Variants in ALS2 observed in about 807,000 individuals in gnomAD.
The protein encoded by ALS2 is alsin Rho guanine nucleotide exchange factor ALS2.
ALS2 carries 117 observed loss-of-function variants against 203.4 expected under a neutral mutation model. The observed-to-expected ratio is 0.58, with a 90% CI of 0.50 to 0.67. The LOEUF (loss-of-function observed/expected upper bound fraction) is 0.67, where lower values mean the gene tolerates loss of function less well. ALS2 is among the 30% of genes least tolerant of loss of function. ALS2 has a pLI of 0.00. For synonymous variants in ALS2, 718 were observed against 725.9 expected (o/e 0.99, Z 0.17); for missense variants, 1,715 against 1,989.4 (o/e 0.86, Z 2.62).
intron 5 of ALS2, among the ~76,000 whole-genome samples, chr2:201,755,331 C>T (rs746634239): frequency 5.3e-5 from 8 of 152,040 alleles, no homozygotes; most frequent in Non-Finnish European, 8.8e-5. Context: ...GGCATGATCT[C>T]GGCTCGCAGG....
At chr2:201,714,653 G>A (rs1036216513) in intron 25 of ALS2, among the ~76,000 whole-genome samples, 5 of 152,136 alleles carry the variant, frequency 3.3e-5, no homozygotes, top group South Asian at 4.1e-4. Flanking sequence ...AGATATTTTT[G>A]CTTTAGTCTC....
At position 201,754,680 on chromosome 2, in the gene ALS2, CAA is replaced by C; in HGVS notation, c.1472-11_1472-10del. ...TAAGAGCCTGGGGGAAACTGAAAAC[CAA>C]CCAGACGTGGGGTGAAGGAGTGGGA... On this transcript the variant is annotated splice_polypyrimidine_tract_variant and intron_variant, in intron 5 of 33. Transcript: ENST00000264276. 3 of 1,614,056 alleles carry C rather than the reference CAA, an allele frequency of 1.9e-6. No individual in the cohort carries two copies. Among genetic ancestry groups the C allele is most frequent in the Non-Finnish European group, 2.5e-6 (3 of 1,179,978 alleles).
chr2:201,704,181 C>A lies in ALS2; in HGVS notation c.4876G>T (p.Asp1626Tyr). 1 of 1,614,064 alleles carries A rather than the reference C, an allele frequency of 6.2e-7. No individual in the cohort carries two copies. ...TGCTGAAGATAGGGGTCCATTAGAT[C>A]CTCAATGAGGTGTACCTCAGAGCCT... The part of the protein sequence containing the change: ...NLGSEVHLIE[D>Y]LMDPYLQHGE... Residue 1626 changes from aspartate (D) to tyrosine (Y), a missense_variant, in exon 33 of 34, where the codon GAT becomes TAT. Asp to Tyr is a radical substitution (Grantham distance 160, BLOSUM62 -3). Coordinates refer to ENST00000264276, the MANE Select transcript of ALS2 (RefSeq NM_020919.4).
At chr2:201,752,058 T>G (rs1693098363) in intron 7 of ALS2, among the ~76,000 whole-genome samples, 1 of 152,330 alleles carries the variant, frequency 6.6e-6, no homozygotes, top group East Asian at 1.9e-4. Flanking sequence ...CACCTATGTT[T>G]ATTCTTCTGA....
At chr2:201,726,076 C>T (rs867458311) in intron 19 of ALS2, among the ~76,000 whole-genome samples, 1 of 152,072 alleles carries the variant, frequency 6.6e-6, no homozygotes, top group South Asian at 2.1e-4. Context: ...GAAAATTTCT[C>T]CTTTAACAGA....
At position 201,728,508 on chromosome 2, in the gene ALS2, C is replaced by T; in HGVS notation, c.2841+4G>A. 1 of 1,614,056 alleles carries T rather than the reference C, an allele frequency of 6.2e-7. No individual in the cohort carries two copies. The highest frequency in any genetic ancestry group is 8.5e-7 in the Non-Finnish European group (1 of 1,180,012). On this transcript the variant is annotated splice_donor_region_variant and intron_variant, in intron 15 of 33. Coordinates refer to ENST00000264276, the MANE Select transcript of ALS2 (RefSeq NM_020919.4). ...ATTCTTTTAAGGTTAGGAATCCAGC[C>T]TACCTGGGCATGGACCAGGGCATCA...
chr2:201,704,337 T>C (rs1433855667), intron 32 of ALS2, 117 bp downstream of exon 32: 4 of 1,489,908 alleles, frequency 2.7e-6, no homozygotes, highest in Non-Finnish European at 3.7e-6. Context: ...CACAGTGGAA[T>C]GGGTTAATCG....
intron 25 of ALS2, among the ~76,000 whole-genome samples, chr2:201,711,405 T>C (rs1690019284): frequency 6.6e-6 from 1 of 152,218 alleles, no homozygotes; most frequent in South Asian, 2.1e-4. Context: ...AAGATTCTAC[T>C]CCAATCTAAA....
chr2:201,732,663 G>C (rs1040437659), intron 13 of ALS2, among the ~76,000 whole-genome samples: 1 of 152,198 alleles, frequency 6.6e-6, no homozygotes, highest in African/African-American at 2.4e-5. Context: ...GAAACAAAAT[G>C]AAATCACATA....
intron 1 of ALS2, among the ~76,000 whole-genome samples, chr2:201,770,582 CTA>C (rs1694330766): frequency 6.6e-6 from 1 of 152,108 alleles, no homozygotes; most frequent in Non-Finnish European, 1.5e-5. Flanking sequence ...GAACTTGTGA[CTA>C]TGTTAGGTTG....
intron 24 of ALS2, chr2:201,716,555 A>G: frequency 6.6e-6 from 1 of 150,758 alleles, no homozygotes. Flanking sequence ...AAAAAAAAAA[A>G]AAAAAAAAAA....
chr2:201,715,654 G>T lies in ALS2; in HGVS notation c.4004+18C>A, dbSNP rs771785319. 3.7e-6 allele frequency: 6 copies of T among 1,613,696 alleles called. No homozygotes were observed. In the African/African-American group the frequency reaches 6.7e-5, roughly 18 times the overall value. On this transcript the variant is annotated intron_variant, in intron 25 of 33. Coordinates refer to ENST00000264276, the MANE Select transcript of ALS2 (RefSeq NM_020919.4). ...TTCCTAACATGCTCTGCTGTATGTT[G>T]AGCAGGTGTTCACTCACCTGTCTCT...
At chr2:201,768,810 A>T in intron 2 of ALS2, 56 bp downstream of exon 2, 2 of 1,497,064 alleles carry the variant, frequency 1.3e-6, no homozygotes, top group Non-Finnish European at 1.9e-6. Flanking sequence ...CACATATGTG[A>T]AGCTGTTTGC....
intron 7 of ALS2, among the ~76,000 whole-genome samples, chr2:201,750,434 T>C (rs1206612515): frequency 1.3e-5 from 2 of 152,116 alleles, no homozygotes; most frequent in African/African-American, 2.4e-5. Context: ...ACTGCCTCTT[T>C]TAGAGAAAGC....
chr2:201,723,369 T>A lies in ALS2; in HGVS notation c.3585A>T (p.Gly1195=). The A allele has an allele frequency of 6.2e-7, 1 of 1,614,106 alleles. No individual in the cohort carries two copies. The highest frequency in any genetic ancestry group is 1.3e-5 in the African/African-American group (1 of 75,046). The change falls in exon 22 of 34, where the codon GGA becomes GGT. Residue 1195 remains glycine, a synonymous_variant. Transcript: ENST00000264276. ...QGNGVVVTQF[G]LYYEGNFHLN... Reference sequence around the variant, plus strand: ...GGTGAAAGTTGCCCTCGTAGTATAATCCAAACTGGGTAACCACCACACCAT... The same window carrying A: ...GGTGAAAGTTGCCCTCGTAGTATAAACCAAACTGGGTAACCACCACACCAT...
In ALS2 at chr2:201,705,039, G is replaced by C. The variant is rs1574655058; in HGVS notation, c.4688+100C>G. ...TGACACCATCAGCATATAGAATGGG[G>C]ATGCTTAAGGCTTAGGTAAAGATAA... On this transcript the variant is annotated intron_variant, in intron 31 of 33. Transcript: ENST00000264276. 7 of 1,157,618 alleles carry C rather than the reference G, an allele frequency of 6.0e-6. No individual in the cohort carries two copies. In the East Asian group the frequency reaches 1.8e-4, roughly 29 times the overall value. The allele number at this position is 1,157,618 out of a possible 1,614,324, so 71.7% of individuals were successfully genotyped here. A position where few individuals can be genotyped will look rare whatever the true frequency, so the allele number is the denominator to read the frequency against.
chr2:201,705,674 G>A (rs913691000), intron 29 of ALS2, among the ~76,000 whole-genome samples: 4 of 151,932 alleles, frequency 2.6e-5, no homozygotes, highest in Non-Finnish European at 4.4e-5. Context: ...TAACCTACAC[G>A]TTACAGATAT....
intron 29 of ALS2, among the ~76,000 whole-genome samples, chr2:201,706,146 GA>G (rs1689700335): frequency 6.6e-6 from 1 of 152,020 alleles, no homozygotes; most frequent in African/African-American, 2.4e-5. Context: ...AGCACGTTGG[GA>G]GGCCGAGGCG....
rs544549380 is a variant in ALS2, at chr2:201,736,032, G to C, written c.2418-2594C>G. Among the ~76,000 whole-genome samples, 5 of 152,028 alleles carry C rather than the reference G, an allele frequency of 3.3e-5. No homozygotes were observed. The South Asian group carries it at 1.0e-3, about 32-fold the overall frequency. Reference sequence around the variant, plus strand: ...ATTCAGCATTTCACCAACATTATAGGTTAACTAAGCTATTTTATTCATTAT... The same window carrying C: ...ATTCAGCATTTCACCAACATTATAGCTTAACTAAGCTATTTTATTCATTAT... On this transcript the variant is annotated intron_variant, in intron 12 of 33. Coordinates refer to ENST00000264276, the MANE Select transcript of ALS2 (RefSeq NM_020919.4).
Sources: gnomAD v4.1 joint callset for allele counts (sites outside exome capture counted in the v4.1 genomes callset) on GRCh38, gnomAD v4.1.1 for gene constraint, MANE v1.5 for transcripts, NCBI Gene and HGNC (gene_info 2026-07-23, HGNC 2026-07-21) for gene names.